The following SMG6 variants were observed in gnomAD, a reference collection of about 807,000 sequenced individuals.
The protein encoded by SMG6 is telomerase-binding protein EST1A.
A neutral mutation model predicts 142.2 loss-of-function variants in SMG6; 66 were observed. That is an observed-to-expected ratio of 0.46 (90% CI 0.38 to 0.57). The LOEUF (loss-of-function observed/expected upper bound fraction) is 0.57. Among genes scored for constraint, SMG6 ranks in the 20% least tolerant of loss-of-function variants. The pLI is 0.00. For missense variants in SMG6, 1,793 were observed against 1,832.0 expected, an observed-to-expected ratio of 0.98 and a Z score of 0.39; for synonymous variants, 779 against 702.4, an observed-to-expected ratio of 1.11 and a Z score of -1.72.
At chr17:2,221,979 C>T (rs1487396513) in intron 10 of SMG6, among the ~76,000 whole-genome samples, 1 of 152,214 alleles carries the variant, frequency 6.6e-6, no homozygotes, top group African/African-American at 2.4e-5. Flanking sequence ...AAGTGATCCA[C>T]CTGCACTGGC....
At chr17:2,257,500 G>C (rs1003679262) in intron 8 of SMG6, among the ~76,000 whole-genome samples, 4 of 152,172 alleles carry the variant, frequency 2.6e-5, no homozygotes, top group African/African-American at 9.7e-5. Context: ...TTCTGATCCT[G>C]AGTAGTAGCA....
At position 2,068,492 on chromosome 17, in the gene SMG6, A is replaced by G. The variant is rs950565582; in HGVS notation, c.3835+286T>C. On this transcript the variant is annotated intron_variant, in intron 16 of 18. Coordinates refer to ENST00000263073, the MANE Select transcript of SMG6 (RefSeq NM_017575.5). This position sits in a 1 kb window ranked among gnomAD's most constrained non-coding sequence, Gnocchi z 6.7. ...GAACCAGCTTTGCTGTTTTACTGCAAGCTTTATAAGGATAAAAACAAGGGC... is the reference window on the plus strand; with the variant it reads ...GAACCAGCTTTGCTGTTTTACTGCAGGCTTTATAAGGATAAAAACAAGGGC... 4.6e-5 allele frequency among the ~76,000 whole-genome samples: 7 copies of G among 152,258 alleles called. No homozygotes were observed. The highest frequency in any genetic ancestry group is 1.7e-4 in the African/African-American group (7 of 41,470).
At chr17:2,293,756 G>C (rs1240785789) in intron 4 of SMG6, among the ~76,000 whole-genome samples, 1 of 152,248 alleles carries the variant, frequency 6.6e-6, no homozygotes, top group African/African-American at 2.4e-5. Flanking sequence ...TTACAGGCGT[G>C]AGCCATCACG....
At chr17:2,148,192 A>AAAAATAAAAT (rs563889902) in intron 13 of SMG6, among the ~76,000 whole-genome samples, 6 of 152,124 alleles carry the variant, frequency 3.9e-5, no homozygotes, top group African/African-American at 1.2e-4. Context: ...CCCCATCTCA[A>AAAAATAAAAT]AAAATAAAAT....
At chr17:2,195,723 A>G (rs917668200) in intron 10 of SMG6, among the ~76,000 whole-genome samples, 1 of 152,090 alleles carries the variant, frequency 6.6e-6, no homozygotes, top group African/African-American at 2.4e-5. Context: ...AAGCTTTACA[A>G]AAGGATTGCC....
chr17:2,098,475 T>C (rs1268301502), intron 13 of SMG6, among the ~76,000 whole-genome samples: 3 of 152,214 alleles, frequency 2.0e-5, no homozygotes, highest in Non-Finnish European at 4.4e-5. Flanking sequence ...ATGCTAAGTG[T>C]GGCTGACTTT....
At chr17:2,112,621 T>C (rs912178074) in intron 13 of SMG6, among the ~76,000 whole-genome samples, 1 of 150,954 alleles carries the variant, frequency 6.6e-6, no homozygotes, top group Admixed American at 6.6e-5. Flanking sequence ...ATGTAAAAAT[T>C]GAATTTTTTT....
intron 6 of SMG6, among the ~76,000 whole-genome samples, chr17:2,290,354 G>A (rs527339027): frequency 3.9e-5 from 6 of 152,212 alleles, no homozygotes; most frequent in Admixed American, 6.5e-5. Flanking sequence ...AAGGCAATTC[G>A]ATGGTAAAAG....
intron 13 of SMG6, among the ~76,000 whole-genome samples, chr17:2,100,947 T>C (rs562574949): frequency 1.1e-4 from 16 of 151,914 alleles, no homozygotes; most frequent in Non-Finnish European, 2.1e-4. Context: ...CCACAGCACC[T>C]GGCCAGAATG....
intron 13 of SMG6, among the ~76,000 whole-genome samples, chr17:2,153,980 T>C (rs1402038745): frequency 3.3e-5 from 4 of 120,076 alleles, no homozygotes; most frequent in East Asian, 2.6e-4. Context: ...GGGATGCATG[T>C]AGAGTGTGAC....
chr17:2,083,411 ATG>A (rs1156763238), intron 14 of SMG6, among the ~76,000 whole-genome samples: 1 of 152,200 alleles, frequency 6.6e-6, no homozygotes, highest in Non-Finnish European at 1.5e-5. Flanking sequence ...ACAAAGAACT[ATG>A]TCTGAAGAAA....
intron 13 of SMG6, among the ~76,000 whole-genome samples, chr17:2,111,880 C>A (rs756948319): frequency 1.3e-5 from 2 of 152,142 alleles, no homozygotes; most frequent in Non-Finnish European, 2.9e-5. Flanking sequence ...CCGCTCCATG[C>A]AGTTTCTGGA....
chr17:2,091,523 T>A (rs1222942619), intron 13 of SMG6, among the ~76,000 whole-genome samples: 3 of 151,976 alleles, frequency 2.0e-5, no homozygotes, highest in Non-Finnish European at 4.4e-5. Context: ...AAAGCACACA[T>A]CCTTGGACCA....
At chr17:2,095,481 G>A (rs2068831820) in intron 13 of SMG6, among the ~76,000 whole-genome samples, 1 of 152,202 alleles carries the variant, frequency 6.6e-6, no homozygotes, top group Non-Finnish European at 1.5e-5. Flanking sequence ...TCAGCAACAT[G>A]TAAGTGCCTA....
At chr17:2,276,066 A>G (rs1045037765) in intron 8 of SMG6, among the ~76,000 whole-genome samples, 1 of 152,220 alleles carries the variant, frequency 6.6e-6, no homozygotes, top group East Asian at 1.9e-4. Context: ...ATTCTCTAGG[A>G]GTTGTCAAAG....
chr17:2,286,307 C>CAAA (rs74656326), intron 6 of SMG6, among the ~76,000 whole-genome samples: 2 of 89,322 alleles, frequency 2.2e-5, no homozygotes, highest in African/African-American at 4.0e-5. Context: ...CTCAAATGGC[C>CAAA]AAAAAAAAAA....
chr17:2,086,816 C>A (rs1031810958), intron 13 of SMG6, among the ~76,000 whole-genome samples: 2 of 152,216 alleles, frequency 1.3e-5, no homozygotes, highest in Non-Finnish European at 2.9e-5. Flanking sequence ...TTCTCTTCAT[C>A]TCTAGCCTCC....
Position 2,060,315 on chromosome 17 carries a change from G to C in SMG6, c.*1177C>G, listed in dbSNP as rs1597306996. The C allele has an allele frequency of 6.6e-6, 1 of 152,416 alleles. No homozygotes were observed. Among genetic ancestry groups the C allele is most frequent in the African/African-American group, 2.4e-5 (1 of 41,586 alleles). The allele number at this position is 152,416 out of a possible 1,614,324, so 9.4% of individuals were successfully genotyped here. ...GGTACCAGCTAAAGGGGCAAGGAAA[G>C]GGCCCCTGTGTCAGTGTCAGTTTTT... is the stretch of plus-strand genomic sequence containing the variant. On this transcript the variant is annotated 3_prime_UTR_variant, in exon 19 of 19. Transcript: ENST00000263073.
chr17:2,297,236 A>G lies in SMG6; in HGVS notation c.2151+7T>C, dbSNP rs772609776. On this transcript the variant is annotated splice_region_variant and intron_variant, in intron 4 of 18. Transcript: ENST00000263073. ...AAAATTTAAGATACATAAAGAAGGT[A>G]GCTTACTGTCTTGCGTAATGGCTTG... 8.9e-6 allele frequency: 14 copies of G among 1,580,056 alleles called. No individual in the cohort carries two copies. The highest frequency in any genetic ancestry group is 1.7e-4 in the Middle Eastern group (1 of 5,912).
Sources: gnomAD v4.1 joint callset for allele counts (sites outside exome capture counted in the v4.1 genomes callset) on GRCh38, gnomAD v4.1.1 for gene constraint, Gnocchi (gnomAD v3.1) non-coding constraint, MANE v1.5 for transcripts, NCBI Gene and HGNC (gene_info 2026-07-23, HGNC 2026-07-21) for gene names.